USP2: variants seen among roughly 807,000 people sequenced by gnomAD.
USP2 encodes ubiquitin carboxyl-terminal hydrolase 2.
Under a neutral mutation model 72.0 loss-of-function variants are expected in USP2, and 33 were observed. The ratio of observed to expected loss-of-function variants is 0.46; its 90% CI spans 0.35 to 0.61. USP2 has a LOEUF of 0.61. Ranked by LOEUF, USP2 falls within the 20% of genes least tolerant of loss-of-function variation. USP2 has a pLI of 0.01. For synonymous variants in USP2, 296 were observed against 312.5 expected, an observed-to-expected ratio of 0.95 and a Z score of 0.56; for missense variants, 691 against 797.8, an observed-to-expected ratio of 0.87 and a Z score of 1.61.
At position 119,356,794 on chromosome 11, in the gene USP2, G is replaced by A. The variant is rs1311700239; in HGVS notation, c.*41C>T. Reference sequence around the variant, plus strand: ...GTCTTTTTAAAAAATTTAGGGAGCGGGGCCACCACGGGGAAGGGAGAAGGG... The same window carrying A: ...GTCTTTTTAAAAAATTTAGGGAGCGAGGCCACCACGGGGAAGGGAGAAGGG... On this transcript the variant is annotated 3_prime_UTR_variant, in exon 13 of 13. Transcript: ENST00000260187. The A allele has an allele frequency of 1.3e-6, 2 of 1,510,766 alleles. No homozygotes were observed. The highest frequency in any genetic ancestry group is 2.5e-5 in the South Asian group (2 of 80,094). The allele number at this position is 1,510,766 out of a possible 1,614,324, so 93.6% of individuals were successfully genotyped here. A position where few individuals can be genotyped will look rare whatever the true frequency, so the allele number is the denominator to read the frequency against.
intron 1 of USP2, among the ~76,000 whole-genome samples, chr11:119,380,088 T>G (rs1387168636): frequency 6.6e-6 from 1 of 151,888 alleles, no homozygotes; most frequent in Non-Finnish European, 1.5e-5. Context: ...CTAATTTTTT[T>G]GTAATTTTAG....
At chr11:119,367,581 TG>T (rs1377633647) in intron 2 of USP2, among the ~76,000 whole-genome samples, 4 of 152,158 alleles carry the variant, frequency 2.6e-5, no homozygotes, top group African/African-American at 9.7e-5. Flanking sequence ...CAGTGCACCT[TG>T]GGGAGAGAGG....
At position 119,372,928 on chromosome 11, in the gene USP2, G is replaced by C. The variant is rs541986290; in HGVS notation, c.553C>G (p.Leu185Val). The change falls in exon 2 of 13, where the codon CTC (leucine) becomes GTC (valine). Residue 185 changes from leucine to valine, a missense_variant. Transcript: ENST00000260187. ...TRKELCTLQGLYQTASCPEYL... is the reference protein window; with the variant it reads ...TRKELCTLQGVYQTASCPEYL... ...TCAGGGCAGCTGGCTGTCTGGTAGAGCCCCTGCAGGGTGCAGAGCTCCTTG... is the reference window on the plus strand; with the variant it reads ...TCAGGGCAGCTGGCTGTCTGGTAGACCCCCTGCAGGGTGCAGAGCTCCTTG... 2.5e-6 allele frequency: 4 copies of C among 1,613,378 alleles called. No individual in the cohort carries two copies. The highest frequency in any genetic ancestry group is 2.2e-5 in the East Asian group (1 of 44,888).
Position 119,368,048 on chromosome 11 carries a change from C to G in USP2, c.774+4659G>C, listed in dbSNP as rs559521383. 6.6e-5 allele frequency among the ~76,000 whole-genome samples: 10 copies of G among 152,338 alleles called. No individual in the cohort carries two copies. The East Asian group carries it at 1.9e-3, about 29-fold the overall frequency. ...CTGGATAAGGCAGTACCAAGGCTAA[C>G]GGCCAGGATACAGCCCACAGCCGGT... On this transcript the variant is annotated intron_variant, in intron 2 of 12. Coordinates refer to ENST00000260187, the MANE Select transcript of USP2 (RefSeq NM_004205.5).
At chr11:119,372,482 G>A (rs1268872841) in intron 2 of USP2, among the ~76,000 whole-genome samples, 3 of 152,220 alleles carry the variant, frequency 2.0e-5, no homozygotes, top group African/African-American at 4.8e-5. Flanking sequence ...GACTATCCTC[G>A]AGTGCGCGGG....
rs577773634 is a variant in USP2 at position 119,376,446 on chromosome 11, C to T, written c.-41-2925G>A. On this transcript the variant is annotated intron_variant, in intron 1 of 12. Coordinates refer to ENST00000260187, the MANE Select transcript of USP2 (RefSeq NM_004205.5). ...CCCCCATACCCCTCCCTGCCCAGTG[C>T]GGGGGGCCCCTGCTGCCCAGCTCCT... 5.1e-5 allele frequency: 50 copies of T among 976,202 alleles called. No individual in the cohort carries two copies. The South Asian group carries it at 9.0e-4, about 18-fold the overall frequency. The allele number at this position is 976,202 out of a possible 1,614,324, so 60.5% of individuals were successfully genotyped here. A position where few individuals can be genotyped will look rare whatever the true frequency, so the allele number is the denominator to read the frequency against.
At chr11:119,366,647 TAA>T (rs3833766) in intron 2 of USP2, among the ~76,000 whole-genome samples, 34,742 of 151,946 alleles carry the variant, frequency 0.23, 4,579 homozygotes, top group South Asian at 0.42. Flanking sequence ...ATCTTGTCTC[TAA>T]AGAGGGCCAG....
intron 1 of USP2, chr11:119,376,489 G>A (rs1246938061): frequency 9.1e-6 from 8 of 878,800 alleles, no homozygotes; most frequent in Non-Finnish European, 9.6e-6. Context: ...TTTACCCAGA[G>A]CTGGCAAGTA....
Position 119,370,990 on chromosome 11 carries a change from G to C in USP2, c.774+1717C>G, listed in dbSNP as rs567774037. On this transcript the variant is annotated intron_variant, in intron 2 of 12. Transcript: ENST00000260187. ...ATCCCCAGTAAAGGGGAATACTGCT[G>C]TCATGATTGGGGCTGAGGGTGGGTC... 3.9e-5 allele frequency among the ~76,000 whole-genome samples: 6 copies of C among 152,170 alleles called. No homozygotes were observed. In the South Asian group the frequency reaches 1.2e-3, roughly 32 times the overall value.
At chr11:119,363,334 CCT>C (rs1293988075) in intron 2 of USP2, among the ~76,000 whole-genome samples, 1 of 152,214 alleles carries the variant, frequency 6.6e-6, no homozygotes, top group African/African-American at 2.4e-5. Flanking sequence ...GGGAAGTTGC[CCT>C]CTGTCACCTG....
intron 2 of USP2, among the ~76,000 whole-genome samples, chr11:119,363,180 T>C (rs1418409533): frequency 2.0e-5 from 3 of 152,208 alleles, no homozygotes; most frequent in African/African-American, 4.8e-5. Context: ...AGCTGGTGCC[T>C]GTTACATAAG....
intron 2 of USP2, chr11:119,363,716 G>C (rs1950803700): frequency 1.6e-6 from 1 of 619,734 alleles, no homozygotes; most frequent in South Asian, 5.4e-5. Flanking sequence ...CTTGCCAGGA[G>C]ACCCTGGGAA....
intron 2 of USP2, among the ~76,000 whole-genome samples, chr11:119,362,400 G>A (rs59969944): frequency 0.27 from 41,642 of 151,972 alleles, 6,359 homozygotes; most frequent in East Asian, 0.38. Flanking sequence ...GCATCCTTAG[G>A]ACCCTTGGTT....
At position 119,381,653 on chromosome 11, in the gene USP2, A is replaced by G. The variant is rs933453769; in HGVS notation, c.-222T>C. The G allele has an allele frequency of 2.5e-6, 3 of 1,188,052 alleles. No individual in the cohort carries two copies. In the African/African-American group the frequency reaches 4.5e-5, roughly 18 times the overall value. 73.6% of individuals were successfully genotyped at this position (1,188,052 alleles called of 1,614,324 possible). A position where few individuals can be genotyped will look rare whatever the true frequency, so the allele number is the denominator to read the frequency against. ...GGCCCAGAAGGGACCTCCCCGGGAA[A>G]TCGGCGCCACCCAGCGGGCAGCCGC... On this transcript the variant is annotated 5_prime_UTR_variant, in exon 1 of 13. Coordinates refer to ENST00000260187, the MANE Select transcript of USP2 (RefSeq NM_004205.5).
chr11:119,359,690 G>A lies in USP2; in HGVS notation c.826-30C>T, dbSNP rs1209070667. ...AAGAGATGACCAGGCAATCAGTGGGGAGACGAGAGTCCCACCTTCACCTGT... is the reference window on the plus strand; with the variant it reads ...AAGAGATGACCAGGCAATCAGTGGGAAGACGAGAGTCCCACCTTCACCTGT... On this transcript the variant is annotated intron_variant, in intron 3 of 12. Transcript: ENST00000260187. 5 of 1,609,246 alleles carry A rather than the reference G, an allele frequency of 3.1e-6. No homozygotes were observed. The South Asian group carries it at 4.4e-5, about 14-fold the overall frequency.
In USP2 at chr11:119,358,794, G is replaced by A. The variant is rs369164717; in HGVS notation, c.1216C>T (p.Arg406Trp). 33 of 1,613,992 alleles carry A rather than the reference G, an allele frequency of 2.0e-5. No homozygotes were observed. Among genetic ancestry groups the A allele is most frequent in the Admixed American group, 1.2e-4 (7 of 60,022 alleles). ...TTACCCCCGATCCTACTGTCTTCCC[G>A]TTCTAGATATTTTCTCCACATCTGT... Reference protein sequence around the residue: ...GRQMWRKYLEREDSRIGDLFV... With the variant: ...GRQMWRKYLEWEDSRIGDLFV... The change falls in exon 7 of 13, where the codon CGG (arginine) becomes TGG (tryptophan). Residue 406 changes from arginine to tryptophan, a missense_variant. Coordinates refer to ENST00000260187, the MANE Select transcript of USP2 (RefSeq NM_004205.5).
intron 1 of USP2, among the ~76,000 whole-genome samples, chr11:119,377,930 T>G (rs1951021574): frequency 6.6e-6 from 1 of 152,050 alleles, no homozygotes; most frequent in South Asian, 2.1e-4. Context: ...CTGCTTGGCT[T>G]TCTGGGGTGA....
chr11:119,357,198 G>C lies in USP2; in HGVS notation c.1719C>G (p.Phe573Leu), dbSNP rs750171000. 1 of 1,613,786 alleles carries C rather than the reference G, an allele frequency of 6.2e-7. No homozygotes were observed. The highest frequency in any genetic ancestry group is 2.2e-5 in the East Asian group (1 of 44,856). ...RSPGTGEWHT[F>L]NDSSVTPMSS... ...GCCCTGGCTCTCACCTGGAGTCGTT[G>C]AAAGTGTGCCATTCTCCTGTCCCTG... Residue 573 changes from phenylalanine (F) to leucine (L), a missense_variant, in exon 12 of 13, where the codon TTC becomes TTG. Transcript: ENST00000260187.
Position 119,376,429 on chromosome 11 carries a change from C to G in USP2, c.-41-2908G>C. 3 of 985,100 alleles carry G rather than the reference C, an allele frequency of 3.0e-6. No individual in the cohort carries two copies. In the South Asian group the frequency reaches 1.4e-4, roughly 46 times the overall value. The allele number at this position is 985,100 out of a possible 1,614,324, so 61.0% of individuals were successfully genotyped here. A position where few individuals can be genotyped will look rare whatever the true frequency, so the allele number is the denominator to read the frequency against. On this transcript the variant is annotated intron_variant, in intron 1 of 12. Coordinates refer to ENST00000260187, the MANE Select transcript of USP2 (RefSeq NM_004205.5). ...AGCCAATTGGCTGGGATCCCCCATA[C>G]CCCTCCCTGCCCAGTGCGGGGGGCC...
Sources: gnomAD v4.1 joint callset for allele counts (sites outside exome capture counted in the v4.1 genomes callset) on GRCh38, gnomAD v4.1.1 for gene constraint, MANE v1.5 for transcripts, NCBI Gene and HGNC (gene_info 2026-07-23, HGNC 2026-07-21) for gene names.